ST8SIA6: variants seen among roughly 807,000 people sequenced by gnomAD.
The protein encoded by ST8SIA6 is alpha-2,8-sialyltransferase 8F.
In ST8SIA6, 39 loss-of-function variants were observed where a neutral mutation model predicts 33.6. The observed-to-expected ratio is 1.16, with a 90% CI of 0.90 to 1.52. The LOEUF is 1.52. Among genes scored for constraint, ST8SIA6 ranks in the 40% most tolerant of loss-of-function variants. The pLI, the probability that ST8SIA6 is intolerant of heterozygous loss-of-function variation, is 0.00. For missense variants in ST8SIA6, 441 were observed against 443.8 expected, an observed-to-expected ratio of 0.99 and a Z score of 0.06; for synonymous variants, 172 against 167.2, an observed-to-expected ratio of 1.03 and a Z score of -0.22.
At chr10:17,398,831 A>T (rs1377449149) in intron 2 of ST8SIA6, among the ~76,000 whole-genome samples, 3 of 152,070 alleles carry the variant, frequency 2.0e-5, no homozygotes, top group Non-Finnish European at 2.9e-5. Flanking sequence ...CTGTAGAGGG[A>T]TGTAACAGGC....
At chr10:17,411,344 C>T (rs112023282) in intron 2 of ST8SIA6, among the ~76,000 whole-genome samples, 4,877 of 152,122 alleles carry the variant, frequency 0.032, 86 homozygotes, top group South Asian at 0.055. Flanking sequence ...CCACCACACC[C>T]GGCTAATTTT....
In ST8SIA6 at chr10:17,317,571, C is replaced by T. The variant is rs143026662; in HGVS notation, c.*3307G>A. Among the ~76,000 whole-genome samples, 295 of 152,270 alleles carry T rather than the reference C, an allele frequency of 1.9e-3. No individual in the cohort carries two copies. The highest frequency in any genetic ancestry group is 3.3e-3 in the Non-Finnish European group (223 of 68,018). On this transcript the variant is annotated 3_prime_UTR_variant, in exon 8 of 8. Coordinates refer to ENST00000377602, the MANE Select transcript of ST8SIA6 (RefSeq NM_001004470.3). ...GAAGATCACAATATATTATATATCA[C>T]ATCTTAACTATACTTCTGCAGTAGC... is the stretch of plus-strand genomic sequence containing the variant.
intron 3 of ST8SIA6, among the ~76,000 whole-genome samples, chr10:17,368,407 CAA>C (rs200826980): frequency 5.5e-5 from 4 of 72,192 alleles, no homozygotes; most frequent in African/African-American, 1.4e-4. Context: ...AGCTCTGTCT[CAA>C]AAAAAAAAAA....
chr10:17,444,217 CA>C (rs1852615435), intron 2 of ST8SIA6, among the ~76,000 whole-genome samples: 1 of 152,144 alleles, frequency 6.6e-6, no homozygotes, highest in South Asian at 2.1e-4. Context: ...AATTAATACA[CA>C]AGACCAGACA....
At chr10:17,419,545 AAAC>A (rs1345091334) in intron 2 of ST8SIA6, among the ~76,000 whole-genome samples, 1 of 152,144 alleles carries the variant, frequency 6.6e-6, no homozygotes, top group Non-Finnish European at 1.5e-5. Context: ...AAGCAAACAA[AAAC>A]AAAAAAACAA....
At chr10:17,331,740 C>CTT (rs5783548) in intron 4 of ST8SIA6, among the ~76,000 whole-genome samples, 188 bp from the exon 5 acceptor site, 25 of 151,928 alleles carry the variant, frequency 1.6e-4, no homozygotes, top group African/African-American at 6.1e-4. Context: ...GACTGACTCT[C>CTT]TTTTTTTTCA....
At chr10:17,449,744 T>C (rs1852843627) in intron 2 of ST8SIA6, among the ~76,000 whole-genome samples, 1 of 152,182 alleles carries the variant, frequency 6.6e-6, no homozygotes, top group Non-Finnish European at 1.5e-5. Flanking sequence ...TCAGGGCAAA[T>C]AGAATATGAA....
chr10:17,334,823 A>G (rs1399032716), intron 4 of ST8SIA6, among the ~76,000 whole-genome samples: 2 of 152,178 alleles, frequency 1.3e-5, no homozygotes, highest in African/African-American at 4.8e-5. Flanking sequence ...TTCAAGGATC[A>G]TCTGAGTTAA....
At chr10:17,337,016 A>G (rs1185077020) in intron 4 of ST8SIA6, among the ~76,000 whole-genome samples, 1 of 152,152 alleles carries the variant, frequency 6.6e-6, no homozygotes, top group Non-Finnish European at 1.5e-5. Flanking sequence ...ACGAATTGTA[A>G]TCCCGTGTTG....
At chr10:17,349,640 G>A (rs1014917780) in intron 4 of ST8SIA6, among the ~76,000 whole-genome samples, 4 of 152,174 alleles carry the variant, frequency 2.6e-5, no homozygotes, top group African/African-American at 9.7e-5. Context: ...CTGCCTTTAA[G>A]ATGTTCTAGT....
intron 2 of ST8SIA6, among the ~76,000 whole-genome samples, chr10:17,407,022 C>T (rs578016744): frequency 3.1e-4 from 47 of 152,088 alleles, no homozygotes; most frequent in Non-Finnish European, 1.2e-4. Flanking sequence ...GAACTCCTGA[C>T]CTCAGGTGAT....
intron 4 of ST8SIA6, among the ~76,000 whole-genome samples, chr10:17,333,666 T>C (rs1170882379): frequency 1.8e-5 from 2 of 108,232 alleles, no homozygotes; most frequent in East Asian, 2.9e-4. Flanking sequence ...TAATAAATGG[T>C]GCTGGGATAT....
At chr10:17,404,132 C>G (rs146186154) in intron 2 of ST8SIA6, among the ~76,000 whole-genome samples, 185 of 151,304 alleles carry the variant, frequency 1.2e-3, no homozygotes, top group African/African-American at 4.4e-3. Context: ...TCATTAGGTG[C>G]CATGTGTATT....
intron 2 of ST8SIA6, among the ~76,000 whole-genome samples, chr10:17,435,203 T>A (rs1852214763): frequency 6.6e-6 from 1 of 152,222 alleles, no homozygotes; most frequent in African/African-American, 2.4e-5. Context: ...CAGTATGGTA[T>A]GTGGCTTCTA....
At chr10:17,349,292 G>A (rs1282216278) in intron 4 of ST8SIA6, among the ~76,000 whole-genome samples, 1 of 152,124 alleles carries the variant, frequency 6.6e-6, no homozygotes, top group Non-Finnish European at 1.5e-5. Flanking sequence ...CATCCCCCTA[G>A]GCAGAGGACT....
At chr10:17,370,955 T>C (rs1464853135) in intron 3 of ST8SIA6, among the ~76,000 whole-genome samples, 2 of 152,122 alleles carry the variant, frequency 1.3e-5, no homozygotes, top group Non-Finnish European at 1.5e-5. Flanking sequence ...AGGTAGAAGT[T>C]GAGAGAAAAT....
chr10:17,326,840 CA>C (rs1366359097), intron 6 of ST8SIA6, among the ~76,000 whole-genome samples, 173 bp downstream of exon 6: 2 of 152,168 alleles, frequency 1.3e-5, no homozygotes, highest in Admixed American at 1.3e-4. Flanking sequence ...CTGGTATTGA[CA>C]TTCTGAGGAA....
At chr10:17,379,067 A>G (rs1275166811) in intron 3 of ST8SIA6, among the ~76,000 whole-genome samples, 1 of 151,236 alleles carries the variant, frequency 6.6e-6, no homozygotes, top group Non-Finnish European at 1.5e-5. Context: ...CAGTGGTTGC[A>G]GTGAGCTGAG....
intron 3 of ST8SIA6, among the ~76,000 whole-genome samples, chr10:17,370,431 T>C (rs977170642): frequency 2.0e-5 from 3 of 152,188 alleles, no homozygotes; most frequent in African/African-American, 7.2e-5. Flanking sequence ...TTTATAGCTT[T>C]GTTTTGACTT....
Sources: allele counts gnomAD v4.1 joint callset (sites outside exome capture counted in the v4.1 genomes callset), GRCh38; gene constraint gnomAD v4.1.1; transcripts MANE v1.5; gene names NCBI Gene and HGNC (gene_info 2026-07-23, HGNC 2026-07-21).